The following IMMP2L variants were observed in gnomAD, a reference collection of about 807,000 sequenced individuals.
IMMP2L encodes inner mitochondrial membrane peptidase subunit 2.
IMMP2L carries 18 observed loss-of-function variants against 19.3 expected under a neutral mutation model. That is an observed-to-expected ratio of 0.93 (90% CI 0.64 to 1.38). The LOEUF (loss-of-function observed/expected upper bound fraction) is 1.38. Ranked by LOEUF, IMMP2L falls within the 40% of genes most tolerant of loss-of-function variation. IMMP2L has a pLI of 0.00. For missense variants in IMMP2L, 233 were observed against 218.2 expected (o/e 1.07, Z -0.43); for synonymous variants, 76 against 73.0 (o/e 1.04, Z -0.21).
intron 1 of IMMP2L, chr7:111,532,695 T>C (rs1213312786): frequency 1.3e-5 from 2 of 152,116 alleles, no homozygotes; most frequent in African/African-American, 2.4e-5. Context: ...TACTACTCTT[T>C]ACAAAATGAT....
At chr7:111,537,508 C>T (rs1336928721) in intron 1 of IMMP2L, among the ~76,000 whole-genome samples, 2 of 147,948 alleles carry the variant, frequency 1.4e-5, no homozygotes, top group Non-Finnish European at 3.0e-5. Context: ...TGATTAGATT[C>T]CTAGTCTCAT....
At chr7:110,676,500 T>G (rs901749206) in intron 5 of IMMP2L, among the ~76,000 whole-genome samples, 2 of 152,218 alleles carry the variant, frequency 1.3e-5, no homozygotes, top group African/African-American at 2.4e-5. Flanking sequence ...TATTATAAAT[T>G]AGCACGGTGT....
At chr7:110,769,993 A>G (rs1192272373) in intron 5 of IMMP2L, among the ~76,000 whole-genome samples, 2 of 152,152 alleles carry the variant, frequency 1.3e-5, no homozygotes, top group Non-Finnish European at 2.9e-5. Context: ...GTTCAAGTAG[A>G]TAGAAGCCAA....
chr7:111,470,837 G>T (rs1364559901), intron 3 of IMMP2L, among the ~76,000 whole-genome samples: 2 of 150,528 alleles, frequency 1.3e-5, no homozygotes, highest in East Asian at 3.9e-4. Context: ...TAACTAACCT[G>T]CACATTGTGC....
intron 3 of IMMP2L, among the ~76,000 whole-genome samples, chr7:111,394,115 T>C (rs1045470322): frequency 6.6e-6 from 1 of 152,134 alleles, no homozygotes; most frequent in East Asian, 1.9e-4. Context: ...TCAAGATATA[T>C]CTTACAGTCG....
chr7:110,847,668 A>G (rs1805803992), intron 5 of IMMP2L, among the ~76,000 whole-genome samples: 1 of 152,150 alleles, frequency 6.6e-6, no homozygotes, highest in South Asian at 2.1e-4. Context: ...TTTTAAAGCT[A>G]CAGTAATCAA....
chr7:111,398,065 T>A (rs1013894146), intron 3 of IMMP2L, among the ~76,000 whole-genome samples: 2 of 152,252 alleles, frequency 1.3e-5, no homozygotes, highest in East Asian at 1.9e-4. Flanking sequence ...CTAATCATGT[T>A]TTTTTCAGAC....
At chr7:110,781,046 G>C (rs764360922) in intron 5 of IMMP2L, among the ~76,000 whole-genome samples, 4 of 151,918 alleles carry the variant, frequency 2.6e-5, no homozygotes, top group Non-Finnish European at 4.4e-5. Context: ...TGTTCCATTT[G>C]TTAACCTTGA....
intron 5 of IMMP2L, among the ~76,000 whole-genome samples, chr7:110,769,700 A>C (rs1016200175): frequency 3.9e-5 from 6 of 152,162 alleles, no homozygotes; most frequent in African/African-American, 1.4e-4. Flanking sequence ...ACTGGAAAGA[A>C]AACGAACGGA....
At chr7:111,112,261 G>A (rs1799325226) in intron 3 of IMMP2L, among the ~76,000 whole-genome samples, 1 of 151,992 alleles carries the variant, frequency 6.6e-6, no homozygotes, top group South Asian at 2.1e-4. Flanking sequence ...ACCACTCCTG[G>A]CCCTGAAAAT....
At chr7:111,477,910 T>C (rs1006981734) in intron 3 of IMMP2L, among the ~76,000 whole-genome samples, 2 of 151,724 alleles carry the variant, frequency 1.3e-5, no homozygotes, top group African/African-American at 4.8e-5. Context: ...AAAAAAAAAA[T>C]AGACTTTTAT....
At chr7:111,099,768 T>TA (rs1325379413) in intron 3 of IMMP2L, 4 of 151,724 alleles carry the variant, frequency 2.6e-5, no homozygotes, top group African/African-American at 9.7e-5. Flanking sequence ...GATAAAAGGT[T>TA]AAAGTATTGT....
intron 5 of IMMP2L, among the ~76,000 whole-genome samples, chr7:110,692,456 C>G (rs1299169312): frequency 6.6e-6 from 1 of 151,692 alleles, no homozygotes; most frequent in Non-Finnish European, 1.5e-5. Context: ...ATAATTCATT[C>G]ATGTAATCAA....
intron 2 of IMMP2L, among the ~76,000 whole-genome samples, chr7:111,520,994 G>T (rs1712214005): frequency 6.6e-6 from 1 of 152,002 alleles, no homozygotes; most frequent in African/African-American, 2.4e-5. Context: ...GGCATTAAAA[G>T]GATATTCTAA....
chr7:111,072,049 A>C (rs2129575456), intron 3 of IMMP2L, among the ~76,000 whole-genome samples: 1 of 152,316 alleles, frequency 6.6e-6, no homozygotes, highest in Middle Eastern at 3.4e-3. Context: ...GCAATTTAAG[A>C]ATCACAATAA....
intron 5 of IMMP2L, among the ~76,000 whole-genome samples, chr7:110,689,347 CATCT>C: frequency 6.6e-6 from 1 of 151,144 alleles, no homozygotes; most frequent in East Asian, 1.9e-4. Context: ...TTATTTTTTC[CATCT>C]ATTTTCCATT....
chr7:111,074,496 C>T (rs987560331), intron 3 of IMMP2L, among the ~76,000 whole-genome samples: 1 of 152,194 alleles, frequency 6.6e-6, no homozygotes, highest in African/African-American at 2.4e-5. Context: ...TGATGCATAT[C>T]TTTAGTCTTC....
rs766264184 is a variant in IMMP2L at position 110,886,605 on chromosome 7, A to G, written c.396T>C (p.Asn132=). 5.7e-6 allele frequency: 9 copies of G among 1,591,580 alleles called. No homozygotes were observed. In the Admixed American group the frequency reaches 1.0e-4, roughly 18 times the overall value. The change falls in exon 5 of 6, where the codon AAT becomes AAC. Residue 132 remains asparagine (N), a synonymous_variant. Transcript: ENST00000405709. The stretch of plus-strand genomic sequence containing the variant: ...AAAGATGACTTACCGGCCCAAAAGA[A>G]TTACTGTCAAAACTGTGTCCATGAT... ...GDHHGHSFDS[N]SFGPVSLGLL... is the part of the protein sequence containing the mutation.
chr7:110,944,781 T>C (rs986453807), intron 4 of IMMP2L, among the ~76,000 whole-genome samples: 8 of 151,814 alleles, frequency 5.3e-5, no homozygotes, highest in Non-Finnish European at 2.9e-5. Context: ...TATGGGTGTT[T>C]GTGTGTGTGT....
Sources: gnomAD v4.1 joint callset for allele counts (sites outside exome capture counted in the v4.1 genomes callset) on GRCh38, gnomAD v4.1.1 for gene constraint, MANE v1.5 for transcripts, NCBI Gene and HGNC (gene_info 2026-07-23, HGNC 2026-07-21) for gene names.